The following LAMA5 variants were observed in gnomAD, a reference collection of about 807,000 sequenced individuals.
LAMA5 encodes laminin subunit alpha-5.
LAMA5 carries 260 observed loss-of-function variants against 433.4 expected under a neutral mutation model. The observed-to-expected ratio is 0.60, with a 90% CI of 0.54 to 0.66. LAMA5 has a LOEUF of 0.66. Ranked by LOEUF, LAMA5 falls within the 30% of genes least tolerant of loss-of-function variation. The pLI is 0.00. For missense variants in LAMA5, 5,378 were observed against 5,258.5 expected, an observed-to-expected ratio of 1.02 and a Z score of -0.70; for synonymous variants, 2,620 against 2,226.6, an observed-to-expected ratio of 1.18 and a Z score of -4.97.
intron 57 of LAMA5, among the ~76,000 whole-genome samples, 189 bp downstream of exon 57, chr20:62,316,482 G>A (rs1986944934): frequency 6.6e-6 from 1 of 152,094 alleles, no homozygotes; most frequent in South Asian, 2.1e-4. Flanking sequence ...GCTCCTCCCT[G>A]GACTCCCCTG....
In LAMA5 at chr20:62,324,621, A is replaced by C; in HGVS notation, c.5530-67T>G. 2.6e-4 allele frequency: 256 copies of C among 997,014 alleles called. No homozygotes were observed. The highest frequency in any genetic ancestry group is 3.7e-4 in the Non-Finnish European group (234 of 640,426). The allele number at this position is 997,014 out of a possible 1,614,324, so 61.8% of individuals were successfully genotyped here. A position where few individuals can be genotyped will look rare whatever the true frequency, so the allele number is the denominator to read the frequency against. On this transcript the variant is annotated intron_variant, in intron 41 of 79. Coordinates refer to ENST00000252999, the MANE Select transcript of LAMA5 (RefSeq NM_005560.6). This position sits in a 1 kb window ranked among gnomAD's most constrained non-coding sequence, Gnocchi z 4.4. ...ACGAGGGGCCCCACCCTGCAAGCTC[A>C]CAAGTCAGACCCTCAGGGATCCTGC...
rs779430830 is a variant in LAMA5, at chr20:62,312,599, G to A, written c.9227+33C>T. Reference sequence around the variant, plus strand: ...GCCCAGCCTACCGCCCCAACAGCCTGGCCTCGGAGCCCCAGCTGCGCACAG... The same window carrying A: ...GCCCAGCCTACCGCCCCAACAGCCTAGCCTCGGAGCCCCAGCTGCGCACAG... On this transcript the variant is annotated intron_variant, in intron 67 of 79. Transcript: ENST00000252999. 27 of 1,600,196 alleles carry A rather than the reference G, an allele frequency of 1.7e-5. No individual in the cohort carries two copies. In the East Asian group the frequency reaches 6.1e-4, roughly 36 times the overall value.
In LAMA5 at chr20:62,312,657, CG is replaced by C; in HGVS notation, c.9201del (p.Val3068CysfsTer39). ...LELADAYYLG[G>X]VPPDQLPPSL... Reference sequence around the variant, plus strand: ...CTCGGGGGCAGCTGGTCGGGCGGCACGCCCCCCAGGTAGTAGGCGTCGGCCA... The same window carrying C: ...CTCGGGGGCAGCTGGTCGGGCGGCACCCCCCCAGGTAGTAGGCGTCGGCCA... On this transcript the variant is annotated frameshift_variant, in exon 67 of 80. Transcript: ENST00000252999. LOFTEE classifies it high-confidence loss of function. The C allele has an allele frequency of 1.2e-6, 2 of 1,607,280 alleles. No homozygotes were observed. The highest frequency in any genetic ancestry group is 1.7e-6 in the Non-Finnish European group (2 of 1,177,824).
At chr20:62,310,114 C>T (rs1022438294) in intron 77 of LAMA5, 33 bp from the exon 78 acceptor site, 10 of 1,610,212 alleles carry the variant, frequency 6.2e-6, no homozygotes, top group Non-Finnish European at 8.5e-6. Flanking sequence ...TCAGGCTATG[C>T]CCCCGAGGTC....
rs760330518 is a variant in LAMA5 at position 62,312,552 on chromosome 20, C to A, written c.9228-20G>T. 2 of 1,598,408 alleles carry A rather than the reference C, an allele frequency of 1.3e-6. No homozygotes were observed. Among genetic ancestry groups the A allele is most frequent in the Non-Finnish European group, 1.7e-6 (2 of 1,178,698 alleles). ...CGCAGGCTGTGGGGAAGCGGGGATG[C>A]GGGTCAGGGCGCCACCTCCAAGCCC... On this transcript the variant is annotated intron_variant, in intron 67 of 79. Transcript: ENST00000252999.
chr20:62,337,261 C>G (rs1411295533), intron 16 of LAMA5, among the ~76,000 whole-genome samples: 1 of 152,238 alleles, frequency 6.6e-6, no homozygotes, highest in Non-Finnish European at 1.5e-5. Context: ...ACGTGACACA[C>G]AAACCCACTT....
intron 1 of LAMA5, among the ~76,000 whole-genome samples, chr20:62,363,225 A>T (rs569288663): frequency 1.4e-4 from 22 of 152,276 alleles, no homozygotes; most frequent in African/African-American, 5.1e-4. Context: ...GCCTGTGGGG[A>T]CCGGCCCCAG....
intron 2 of LAMA5, among the ~76,000 whole-genome samples, chr20:62,358,004 C>T (rs1306356857): frequency 1.3e-5 from 2 of 152,230 alleles, no homozygotes; most frequent in Admixed American, 6.5e-5. Flanking sequence ...CAAACAGTTT[C>T]GTCTTCACTG....
chr20:62,364,501 C>T (rs142612928), intron 1 of LAMA5, among the ~76,000 whole-genome samples: 48 of 152,318 alleles, frequency 3.2e-4, no homozygotes, highest in African/African-American at 1.1e-3. Flanking sequence ...AGTCCCCATT[C>T]GGCCACTCAC....
In LAMA5 at chr20:62,336,407, C is replaced by T. The variant is rs969490218; in HGVS notation, c.2256G>A (p.Gly752=). Residue 752 remains glycine, a synonymous_variant, in exon 18 of 80, where the codon GGG becomes GGA. Transcript: ENST00000252999. ...VPCMCRAHVE[G]PSCDRCKPGF... ...CAGGTTTGCAGCGGTCACAGCTCGG[C>T]CCCTCCACGTGAGCCCGGCACATAC... The T allele has an allele frequency of 6.2e-6, 10 of 1,612,484 alleles. No homozygotes were observed. The African/African-American group carries it at 1.2e-4, about 19-fold the overall frequency.
chr20:62,356,728 G>A (rs1985298318), intron 2 of LAMA5, among the ~76,000 whole-genome samples: 1 of 152,200 alleles, frequency 6.6e-6, no homozygotes, highest in South Asian at 2.1e-4. Context: ...GGGTTGTGCG[G>A]CCCTGGAGCG....
chr20:62,319,175 C>T, intron 51 of LAMA5, 162 bp from the exon 52 acceptor site: 2 of 663,498 alleles, frequency 3.0e-6, no homozygotes, highest in Non-Finnish European at 5.0e-6. Flanking sequence ...CGAAAGGCCA[C>T]AGCTGCCTCA....
rs1192235122 is a variant in LAMA5 at position 62,337,745 on chromosome 20, T to C, written c.2027-18A>G. On this transcript the variant is annotated intron_variant, in intron 15 of 79. Transcript: ENST00000252999. Reference sequence around the variant, plus strand: ...GTGGCAGGCTGCAGACAAGGATAGCTGTGGGCACGCAGTGGAGACTGCACC... The same window carrying C: ...GTGGCAGGCTGCAGACAAGGATAGCCGTGGGCACGCAGTGGAGACTGCACC... The C allele has an allele frequency of 6.2e-7, 1 of 1,607,942 alleles. No homozygotes were observed. Among genetic ancestry groups the C allele is most frequent in the Non-Finnish European group, 8.5e-7 (1 of 1,176,804 alleles).
intron 62 of LAMA5, 131 bp downstream of exon 62, chr20:62,314,173 C>G (rs1330414809): frequency 2.6e-6 from 3 of 1,171,842 alleles, no homozygotes; most frequent in East Asian, 4.9e-5. Context: ...CGAGTGGGCA[C>G]GGAGAGGCGA....
At position 62,318,518 on chromosome 20, in the gene LAMA5, A is replaced by G; in HGVS notation, c.7175T>C (p.Val2392Ala). 4 of 1,609,402 alleles carry G rather than the reference A, an allele frequency of 2.5e-6. No individual in the cohort carries two copies. The highest frequency in any genetic ancestry group is 3.4e-6 in the Non-Finnish European group (4 of 1,178,934). ...MDLREALNRA[V>A]DATREAQELN... is the part of the protein sequence containing the mutation. ...CTCCTGGGCCTCCCGTGTGGCGTCC[A>G]CTGCCCGGTTCAAAGCCTCTCGCAG... is the stretch of plus-strand genomic sequence containing the variant. The change falls in exon 53 of 80, where the codon GTG (valine) becomes GCG (alanine). Residue 2392 changes from valine to alanine, a missense_variant. Val to Ala is a moderately conservative substitution (Grantham distance 64). Transcript: ENST00000252999.
At chr20:62,337,131 G>A (rs566252644) in intron 16 of LAMA5, 14 of 571,684 alleles carry the variant, frequency 2.4e-5, no homozygotes, top group South Asian at 6.6e-5. Flanking sequence ...CCACACGCCC[G>A]TGAAAGGACA....
rs1175338732 is a variant in LAMA5 at position 62,322,252 on chromosome 20, G to T, written c.6346+17C>A. On this transcript the variant is annotated intron_variant, in intron 47 of 79. Coordinates refer to ENST00000252999, the MANE Select transcript of LAMA5 (RefSeq NM_005560.6). ...CAGAAGTCCCCATCCGCCCTCCTGT[G>T]ACCGGCCAGCACTCACGCCTGCAGC... The T allele has an allele frequency of 7.6e-6, 12 of 1,575,508 alleles. No homozygotes were observed. The highest frequency in any genetic ancestry group is 9.5e-6 in the Non-Finnish European group (11 of 1,163,104).
intron 43 of LAMA5, 111 bp from the exon 44 acceptor site, chr20:62,323,967 C>A: frequency 7.1e-7 from 1 of 1,415,020 alleles, no homozygotes; most frequent in South Asian, 1.4e-5. Context: ...CCAGACCTCA[C>A]GGACACCTCC....
In LAMA5 at chr20:62,322,417, GC is replaced by G; in HGVS notation, c.6197del (p.Gly2066AlafsTer143). On this transcript the variant is annotated frameshift_variant, in exon 47 of 80. Transcript: ENST00000252999. LOFTEE classifies it high-confidence loss of function. Reference sequence around the variant, plus strand: ...CCGGTCCACAAGCACACGGGCGGCAGCCCCCGCAGCCATCGAAACCAAAATG... The same window carrying G: ...CCGGTCCACAAGCACACGGGCGGCAGCCCCGCAGCCATCGAAACCAAAATG... ...EGHFGFDGCG[G>X]CRPCACGPAA... 1.9e-6 allele frequency: 3 copies of G among 1,592,092 alleles called. No homozygotes were observed. The highest frequency in any genetic ancestry group is 1.1e-5 in the South Asian group (1 of 88,404).
Sources: allele counts gnomAD v4.1 joint callset (sites outside exome capture counted in the v4.1 genomes callset), GRCh38; gene constraint gnomAD v4.1.1; non-coding constraint Gnocchi (gnomAD v3.1); transcripts MANE v1.5; gene names NCBI Gene and HGNC (gene_info 2026-07-23, HGNC 2026-07-21).